ARHGAP10: variants seen among roughly 807,000 people sequenced by gnomAD.
ARHGAP10 encodes the protein Rho GTPase activating protein 10.
ARHGAP10 carries 87 observed loss-of-function variants against 108.6 expected under a neutral mutation model. That is an observed-to-expected ratio of 0.80 (90% CI 0.67 to 0.96). ARHGAP10 has a LOEUF of 0.96. Ranked by LOEUF, ARHGAP10 falls within the 40% of genes least tolerant of loss-of-function variation. The pLI is 0.00. For synonymous variants in ARHGAP10, 347 were observed against 341.1 expected, an observed-to-expected ratio of 1.02 and a Z score of -0.19; for missense variants, 939 against 954.5, an observed-to-expected ratio of 0.98 and a Z score of 0.21.
At chr4:147,852,671 A>G (rs1454341215) in intron 4 of ARHGAP10, among the ~76,000 whole-genome samples, 2 of 120,406 alleles carry the variant, frequency 1.7e-5, no homozygotes, top group African/African-American at 3.0e-5. Flanking sequence ...AAAAGTTTTT[A>G]TGTCATATTT....
chr4:147,837,730 C>T (rs1733237039), intron 3 of ARHGAP10, among the ~76,000 whole-genome samples: 1 of 136,196 alleles, frequency 7.3e-6, no homozygotes, highest in Admixed American at 8.7e-5. Flanking sequence ...AGCTAGGTGT[C>T]ATTACCTTAC....
At chr4:148,029,698 T>A (rs1050951330) in intron 19 of ARHGAP10, among the ~76,000 whole-genome samples, 4 of 152,186 alleles carry the variant, frequency 2.6e-5, no homozygotes, top group Non-Finnish European at 5.9e-5. Flanking sequence ...ATGGGTGGGC[T>A]CTGGATAATA....
At chr4:148,007,348 T>A (rs1377006336) in intron 18 of ARHGAP10, among the ~76,000 whole-genome samples, 1 of 152,148 alleles carries the variant, frequency 6.6e-6, no homozygotes, top group Non-Finnish European at 1.5e-5. Context: ...ACTCTGTGGA[T>A]GTCATCAGGG....
intron 8 of ARHGAP10, among the ~76,000 whole-genome samples, chr4:147,875,509 C>T (rs1001475379): frequency 6.6e-6 from 1 of 152,164 alleles, no homozygotes; most frequent in South Asian, 2.1e-4. Context: ...CCTTCCCCCT[C>T]ACCTCTACCC....
chr4:147,957,867 G>C (rs1011944526), intron 16 of ARHGAP10, among the ~76,000 whole-genome samples: 5 of 151,918 alleles, frequency 3.3e-5, no homozygotes, highest in Admixed American at 3.3e-4. Flanking sequence ...TATGTTCCTT[G>C]TTCTGAAAAA....
At chr4:147,907,148 T>C (rs534481078) in intron 11 of ARHGAP10, among the ~76,000 whole-genome samples, 20 of 152,294 alleles carry the variant, frequency 1.3e-4, no homozygotes, top group African/African-American at 4.6e-4. Context: ...AATTTAAAGT[T>C]TCATCTAGTA....
At chr4:147,962,554 C>T (rs1438214182) in intron 16 of ARHGAP10, among the ~76,000 whole-genome samples, 1 of 152,166 alleles carries the variant, frequency 6.6e-6, no homozygotes, top group Non-Finnish European at 1.5e-5. Flanking sequence ...AGTGACGGTC[C>T]TGACATACAA....
rs571528450 is a variant in ARHGAP10, at chr4:147,830,084, C to T, written c.312+7127C>T. Among the ~76,000 whole-genome samples the T allele has an allele frequency of 1.2e-4, 19 of 152,362 alleles. No homozygotes were observed. The South Asian group carries it at 3.9e-3, about 32-fold the overall frequency. Reference sequence around the variant, plus strand: ...TGAGGAAGTGTCTTGTCCACGGCTGCACCCCTTTCCCCATTTGGGCAGGAA... The same window carrying T: ...TGAGGAAGTGTCTTGTCCACGGCTGTACCCCTTTCCCCATTTGGGCAGGAA... On this transcript the variant is annotated intron_variant, in intron 3 of 22. Transcript: ENST00000336498.
intron 12 of ARHGAP10, among the ~76,000 whole-genome samples, chr4:147,912,065 G>A (rs1736767338): frequency 6.7e-6 from 1 of 150,066 alleles, no homozygotes; most frequent in Non-Finnish European, 1.5e-5. Flanking sequence ...CTGAGCTGCT[G>A]TTGGAATTTT....
intron 12 of ARHGAP10, among the ~76,000 whole-genome samples, chr4:147,912,054 A>G (rs1736767008): frequency 7.0e-6 from 1 of 142,928 alleles, no homozygotes; most frequent in African/African-American, 2.7e-5. Flanking sequence ...GTTTTCTTTA[A>G]CTGAGCTGCT....
chr4:147,813,887 T>G (rs1229874858), intron 1 of ARHGAP10, among the ~76,000 whole-genome samples: 4 of 152,266 alleles, frequency 2.6e-5, no homozygotes, highest in African/African-American at 9.6e-5. Flanking sequence ...TTTGTTCTTA[T>G]TGCCTTAATA....
chr4:147,758,995 A>C (rs1002977864), intron 1 of ARHGAP10, among the ~76,000 whole-genome samples: 2 of 150,972 alleles, frequency 1.3e-5, no homozygotes, highest in East Asian at 3.9e-4. Context: ...AAAAAAACCG[A>C]AAACAGGTGG....
At chr4:147,894,179 G>T (rs1233928390) in intron 10 of ARHGAP10, among the ~76,000 whole-genome samples, 1 of 152,106 alleles carries the variant, frequency 6.6e-6, no homozygotes, top group Non-Finnish European at 1.5e-5. Flanking sequence ...ATGTATGTTT[G>T]ACTTCTCAGG....
chr4:147,761,393 C>T (rs1191424604), intron 1 of ARHGAP10, among the ~76,000 whole-genome samples: 1 of 152,126 alleles, frequency 6.6e-6, no homozygotes, highest in Non-Finnish European at 1.5e-5. Flanking sequence ...GTAGTAATCG[C>T]TGTACTGACC....
chr4:147,884,333 C>T (rs1017365966), intron 10 of ARHGAP10, among the ~76,000 whole-genome samples: 12 of 152,088 alleles, frequency 7.9e-5, no homozygotes, highest in African/African-American at 2.9e-4. Flanking sequence ...AAGGATAATA[C>T]CTGTAGGGAG....
chr4:147,786,584 A>G (rs1348579516), intron 1 of ARHGAP10, among the ~76,000 whole-genome samples: 1 of 152,226 alleles, frequency 6.6e-6, no homozygotes, highest in Non-Finnish European at 1.5e-5. Context: ...GTACAGCAGT[A>G]GGAAAAAAGT....
At chr4:148,048,660 T>C (rs1040247137) in intron 20 of ARHGAP10, among the ~76,000 whole-genome samples, 2 of 152,204 alleles carry the variant, frequency 1.3e-5, no homozygotes, top group Non-Finnish European at 2.9e-5. Context: ...GATCTCTAAT[T>C]ATGCCTTTCA....
intron 16 of ARHGAP10, among the ~76,000 whole-genome samples, chr4:147,963,555 G>C (rs1739084201): frequency 3.3e-5 from 5 of 152,160 alleles, no homozygotes; most frequent in Admixed American, 3.3e-4. Flanking sequence ...AAGGGAATTG[G>C]GGTACACTGT....
At chr4:148,022,046 C>T (rs1199071467) in intron 18 of ARHGAP10, among the ~76,000 whole-genome samples, 1 of 152,108 alleles carries the variant, frequency 6.6e-6, no homozygotes, top group East Asian at 1.9e-4. Context: ...GTTAGTTGTT[C>T]AGCAATACAC....
Sources: gnomAD v4.1 joint callset for allele counts (sites outside exome capture counted in the v4.1 genomes callset) on GRCh38, gnomAD v4.1.1 for gene constraint, MANE v1.5 for transcripts, NCBI Gene and HGNC (gene_info 2026-07-23, HGNC 2026-07-21) for gene names.